The following PTPRK variants were observed in gnomAD, a reference collection of about 807,000 sequenced individuals.
PTPRK encodes the protein receptor-type tyrosine-protein phosphatase kappa.
Under a neutral mutation model 178.0 loss-of-function variants are expected in PTPRK, and 75 were observed. That is an observed-to-expected ratio of 0.42 (90% CI 0.35 to 0.51). The LOEUF is 0.51. PTPRK is among the 20% of genes least tolerant of loss of function. PTPRK has a pLI of 0.02. For missense variants in PTPRK, 1,441 were observed against 1,797.8 expected (o/e 0.80, Z 3.59); for synonymous variants, 637 against 620.6 (o/e 1.03, Z -0.39).
chr6:127,989,257 G>A (rs1776318296), intron 21 of PTPRK, among the ~76,000 whole-genome samples: 1 of 151,890 alleles, frequency 6.6e-6, no homozygotes, highest in East Asian at 1.9e-4. Context: ...ATTAAATCAA[G>A]CTTAATGGTT....
intron 7 of PTPRK, among the ~76,000 whole-genome samples, chr6:128,142,472 C>T (rs1003157132): frequency 6.6e-6 from 1 of 151,550 alleles, no homozygotes; most frequent in Non-Finnish European, 1.5e-5. Context: ...TATAGCATTC[C>T]ATTGGAAGTT....
In PTPRK at chr6:128,519,152, T is replaced by G. The variant is rs1190429466; in HGVS notation, c.100+1107A>C. 8.1e-6 allele frequency: 4 copies of G among 494,946 alleles called. No individual in the cohort carries two copies. The highest frequency in any genetic ancestry group is 6.0e-5 in the South Asian group (4 of 66,358). The allele number at this position is 494,946 out of a possible 1,614,324, so 30.7% of individuals were successfully genotyped here. On this transcript the variant is annotated intron_variant, in intron 1 of 29. Coordinates refer to ENST00000368226, the MANE Select transcript of PTPRK (RefSeq NM_002844.4). The surrounding 1 kb of genome is among the most constrained non-coding windows in gnomAD (Gnocchi z 4.3). ...GCCAGCCAAGCGAAGCTGGGTAGGT[T>G]GGCCAGAAAAGTTGTCAGGACTGGC...
chr6:128,435,430 CT>C (rs995794614), intron 1 of PTPRK, among the ~76,000 whole-genome samples: 10 of 152,008 alleles, frequency 6.6e-5, no homozygotes, highest in African/African-American at 2.4e-4. Context: ...TGTGGAATTA[CT>C]TTTTTAATTT....
In PTPRK at chr6:128,202,117, T is replaced by G. The variant is rs186154358; in HGVS notation, c.868+16805A>C. On this transcript the variant is annotated intron_variant, in intron 6 of 29. Transcript: ENST00000368226. ...GAGAGGAACGAAGGCAGAGAGTGAA[T>G]TCAGCATCTTCCACTGAAATATCCA... is the stretch of plus-strand genomic sequence containing the variant. 5.9e-5 allele frequency among the ~76,000 whole-genome samples: 9 copies of G among 152,242 alleles called. No individual in the cohort carries two copies. In the East Asian group the frequency reaches 1.7e-3, roughly 29 times the overall value.
intron 5 of PTPRK, among the ~76,000 whole-genome samples, chr6:128,226,104 C>A (rs996280626): frequency 2.1e-4 from 32 of 152,256 alleles, no homozygotes; most frequent in African/African-American, 7.5e-4. Context: ...GTGACAGAAC[C>A]ATGTCTGCTG....
intron 3 of PTPRK, among the ~76,000 whole-genome samples, chr6:128,243,258 C>T (rs772335200): frequency 6.6e-6 from 1 of 151,610 alleles, no homozygotes; most frequent in Non-Finnish European, 1.5e-5. Context: ...AGTTTTATAT[C>T]CAAGAATGTT....
chr6:128,321,559 A>G, intron 3 of PTPRK: 1 of 425,708 alleles, frequency 2.3e-6, no homozygotes, highest in Non-Finnish European at 4.1e-6. Context: ...AATTAATGAA[A>G]ATGCCTCCCC....
At chr6:128,089,534 T>C (rs1278266614) in intron 8 of PTPRK, among the ~76,000 whole-genome samples, 156 bp downstream of exon 8, 1 of 152,218 alleles carries the variant, frequency 6.6e-6, no homozygotes. Context: ...TTAGGTTTTG[T>C]AAAAGGCAAT....
chr6:128,017,791 A>AATATATGTAT (rs1779756616), intron 13 of PTPRK, among the ~76,000 whole-genome samples: 1 of 77,664 alleles, frequency 1.3e-5, no homozygotes, highest in South Asian at 5.0e-4. Flanking sequence ...TATATAAATA[A>AATATATGTAT]ATATATATGT....
intron 1 of PTPRK, among the ~76,000 whole-genome samples, chr6:128,429,824 T>C (rs961116469): frequency 3.3e-5 from 5 of 152,240 alleles, no homozygotes; most frequent in African/African-American, 1.2e-4. Context: ...TTGAGAGACT[T>C]ACAAAAAAGA....
intron 7 of PTPRK, among the ~76,000 whole-genome samples, chr6:128,126,729 C>T (rs6909954): frequency 0.2 from 30,716 of 152,114 alleles, 6,139 homozygotes; most frequent in African/African-American, 0.5. Flanking sequence ...GCTCAAGCAA[C>T]GCTCCCATCT....
chr6:128,319,284 T>C (rs1446496168), intron 3 of PTPRK, among the ~76,000 whole-genome samples: 2 of 152,198 alleles, frequency 1.3e-5, no homozygotes, highest in Non-Finnish European at 2.9e-5. Flanking sequence ...ACCATCGCTA[T>C]GGTATTTCAA....
intron 13 of PTPRK, among the ~76,000 whole-genome samples, chr6:128,035,088 T>C (rs966936670): frequency 3.3e-5 from 5 of 152,154 alleles, no homozygotes; most frequent in Admixed American, 1.3e-4. Flanking sequence ...AACAATTACA[T>C]TGGCTGGGCA....
chr6:128,000,563 T>C (rs190720840), intron 15 of PTPRK, among the ~76,000 whole-genome samples: 4 of 152,092 alleles, frequency 2.6e-5, no homozygotes, highest in African/African-American at 7.2e-5. Context: ...CACAAAAACA[T>C]TGGCTAACAA....
chr6:128,149,153 C>T (rs1208125461), intron 7 of PTPRK, among the ~76,000 whole-genome samples: 4 of 104,026 alleles, frequency 3.8e-5, no homozygotes, highest in Admixed American at 3.1e-4. Context: ...ACATCACACA[C>T]GGGGGCCTGT....
chr6:128,401,326 G>C (rs1840988816), intron 1 of PTPRK, among the ~76,000 whole-genome samples: 1 of 152,156 alleles, frequency 6.6e-6, no homozygotes, highest in Admixed American at 6.5e-5. Flanking sequence ...AAAAAGGAAA[G>C]AAAAGTAAGT....
At chr6:128,331,481 GA>G (rs923909284) in intron 2 of PTPRK, among the ~76,000 whole-genome samples, 86 of 148,316 alleles carry the variant, frequency 5.8e-4, no homozygotes, top group East Asian at 2.4e-3. Flanking sequence ...TAGTCAAAGA[GA>G]AAAAAAAAGA....
chr6:128,095,805 T>G (rs1045209587), intron 7 of PTPRK, among the ~76,000 whole-genome samples: 3 of 152,206 alleles, frequency 2.0e-5, no homozygotes, highest in Admixed American at 6.5e-5. Flanking sequence ...TCTTGACTTA[T>G]TTTATTATAC....
intron 6 of PTPRK, among the ~76,000 whole-genome samples, chr6:128,206,843 T>C (rs1362327007): frequency 1.3e-5 from 2 of 152,164 alleles, no homozygotes; most frequent in African/African-American, 4.8e-5. Context: ...TCATGTTTCA[T>C]GATAATGATC....
Sources: allele counts gnomAD v4.1 joint callset (sites outside exome capture counted in the v4.1 genomes callset), GRCh38; gene constraint gnomAD v4.1.1; non-coding constraint Gnocchi (gnomAD v3.1); transcripts MANE v1.5; gene names NCBI Gene and HGNC (gene_info 2026-07-23, HGNC 2026-07-21).